Variants in KRT76 observed in about 807,000 individuals in gnomAD.
KRT76 encodes the protein keratin, type II cytoskeletal 2 oral.
In KRT76, 47 loss-of-function variants were observed where a neutral mutation model predicts 44.9. The ratio of observed to expected loss-of-function variants is 1.05; its 90% CI spans 0.83 to 1.33. The LOEUF (loss-of-function observed/expected upper bound fraction) is 1.33. Ranked by LOEUF, KRT76 falls within the 40% of genes most tolerant of loss-of-function variation. KRT76 has a pLI of 0.00. For synonymous variants in KRT76, 331 were observed against 294.1 expected (o/e 1.13, Z -1.28); for missense variants, 860 against 775.8 (o/e 1.11, Z -1.29).
Position 52,777,189 on chromosome 12 carries a change from G to C in KRT76, c.103C>G (p.Arg35Gly), listed in dbSNP as rs145777357. ...GCCCCTCCACCAGCTCCCCCAGAGC[G>C]GGCCACACAGCTCATCCTGCTGCTG... ...SGSSRMSCVA[R>G]SGGAGGGACG... The change falls in exon 1 of 9, where the codon CGC becomes GGC. Residue 35 changes from arginine to glycine, a missense_variant. Physicochemically the swap from Arg to Gly is moderately radical, Grantham distance 125. Coordinates refer to ENST00000332411, the MANE Select transcript of KRT76 (RefSeq NM_015848.4). The C allele has an allele frequency of 1.9e-6, 3 of 1,614,174 alleles. No homozygotes were observed. The highest frequency in any genetic ancestry group is 1.7e-6 in the Non-Finnish European group (2 of 1,180,034).
chr12:52,772,195 G>T lies in KRT76; in HGVS notation c.1036C>A (p.Arg346Ser), dbSNP rs200771210. The part of the protein sequence containing the change: ...TSVVLSMDNN[R>S]CLDLGSIIAE... ...ATGATGCTGCCCAGGTCCAGGCAGC[G>T]GTTGTTGTCCATGGACAGAACCACA... The change falls in exon 5 of 9, where the codon CGC (arginine) becomes AGC (serine). Residue 346 changes from arginine to serine, a missense_variant. Coordinates refer to ENST00000332411, the MANE Select transcript of KRT76 (RefSeq NM_015848.4). 19 of 1,613,448 alleles carry T rather than the reference G, an allele frequency of 1.2e-5. No individual in the cohort carries two copies. The East Asian group carries it at 3.8e-4, about 32-fold the overall frequency.
chr12:52,775,458 G>C lies in KRT76; in HGVS notation c.745C>G (p.Leu249Val). 1.2e-6 allele frequency: 2 copies of C among 1,614,162 alleles called. No homozygotes were observed. The highest frequency in any genetic ancestry group is 2.2e-5 in the East Asian group (1 of 44,870). The change falls in exon 2 of 9, where the codon CTA becomes GTA. Residue 249 changes from leucine to valine, a missense_variant. Coordinates refer to ENST00000332411, the MANE Select transcript of KRT76 (RefSeq NM_015848.4). ...CCCTCCAGGTTCCCCCTCTCCCCTA[G>C]AAGTGAATCTAGCTGCTTGCATAGG... is the stretch of plus-strand genomic sequence containing the variant. ...SFLCKQLDSL[L>V]GERGNLEGEL... is the part of the protein sequence containing the mutation.
At chr12:52,773,471 T>C in intron 3 of KRT76, 111 bp downstream of exon 3, 1 of 679,270 alleles carries the variant, frequency 1.5e-6, no homozygotes, top group Non-Finnish European at 2.6e-6. Context: ...AAAGTGTCAA[T>C]CCCACACACA....
Position 52,768,740 on chromosome 12 carries a change from G to A in KRT76, c.1890C>T (p.Ser630=), listed in dbSNP as rs533223334. The A allele has an allele frequency of 2.5e-6, 4 of 1,603,534 alleles. No homozygotes were observed. Among genetic ancestry groups the A allele is most frequent in the East Asian group, 2.2e-5 (1 of 44,532 alleles). ...ACTTGGTGGAGCTATGCTGGCTTGA[G>A]CTCGTGGTCTGGGAGAAGCGGATAC... The part of the protein sequence containing the change: ...STSIRFSQTT[S]SSQHSSTK Residue 630 remains serine (S), a synonymous_variant, in exon 9 of 9, where the codon AGC becomes AGT. Transcript: ENST00000332411.
intron 4 of KRT76, 125 bp from the exon 5 acceptor site, chr12:52,772,383 T>A: frequency 2.2e-6 from 2 of 911,474 alleles, no homozygotes; most frequent in Non-Finnish European, 3.2e-6. Flanking sequence ...TAAGCTCACA[T>A]TTTAGGCCTG....
intron 7 of KRT76, 54 bp downstream of exon 7, chr12:52,770,945 T>C: frequency 6.2e-7 from 1 of 1,609,608 alleles, no homozygotes; most frequent in South Asian, 1.1e-5. Flanking sequence ...TTCCACATTA[T>C]CAAAGGTCAC....
At chr12:52,769,829 T>C (rs1417340747) in intron 7 of KRT76, among the ~76,000 whole-genome samples, 1 of 152,200 alleles carries the variant, frequency 6.6e-6, no homozygotes, top group African/African-American at 2.4e-5. Flanking sequence ...CTAGGCAAAC[T>C]ACTTGATGCC....
chr12:52,769,185 C>T (rs1282459530), intron 8 of KRT76, 75 bp from the exon 9 acceptor site: 2 of 625,884 alleles, frequency 3.2e-6, no homozygotes, highest in Non-Finnish European at 5.9e-6. Flanking sequence ...TACATCCCCA[C>T]CCTGCTTGGC....
chr12:52,775,146 T>G (rs1418530645), intron 2 of KRT76, among the ~76,000 whole-genome samples: 1 of 152,204 alleles, frequency 6.6e-6, no homozygotes, highest in Non-Finnish European at 1.5e-5. Flanking sequence ...CTGGGAGGAC[T>G]CTTTTGTCCC....
intron 4 of KRT76, 107 bp from the exon 5 acceptor site, chr12:52,772,365 T>A (rs1355289856): frequency 6.1e-6 from 7 of 1,140,624 alleles, no homozygotes; most frequent in Non-Finnish European, 7.3e-6. Flanking sequence ...GTGGATCAGT[T>A]GGAAAAATAA....
intron 2 of KRT76, among the ~76,000 whole-genome samples, chr12:52,774,766 C>T (rs932473205): frequency 4.6e-5 from 7 of 152,294 alleles, no homozygotes; most frequent in African/African-American, 9.6e-5. Flanking sequence ...CAGGTGTGCC[C>T]GTCCCTGTGG....
intron 7 of KRT76, 116 bp from the exon 8 acceptor site, chr12:52,769,699 C>T: frequency 2.4e-6 from 2 of 824,880 alleles, no homozygotes; most frequent in Non-Finnish European, 4.2e-6. Flanking sequence ...GGTCAAGCTC[C>T]TGCAAGAAGA....
intron 7 of KRT76, 69 bp from the exon 8 acceptor site, chr12:52,769,652 A>ACT: frequency 4.2e-6 from 6 of 1,418,076 alleles, no homozygotes; most frequent in Non-Finnish European, 6.0e-6. Context: ...AGAGTTCACA[A>ACT]CTTTGGGAGC....
In KRT76 at chr12:52,772,239, C is replaced by T. The variant is rs773988083; in HGVS notation, c.992G>A (p.Ser331Asn). The T allele has an allele frequency of 7.5e-6, 12 of 1,604,234 alleles. 1 individual carries two copies. The East Asian group carries it at 2.5e-4, about 33-fold the overall frequency. ...LYEMELSQMQ[S>N]HASDTSVVLS... ...AACCACAGACGTGTCACTGGCATGG[C>T]TTTGCATCTGGGACAGCTCCTGCAG... Residue 331 changes from serine (S) to asparagine (N), a missense_variant, in exon 5 of 9, where the codon AGC becomes AAC. Physicochemically the swap from Ser to Asn is conservative, Grantham distance 46. Coordinates refer to ENST00000332411, the MANE Select transcript of KRT76 (RefSeq NM_015848.4).
chr12:52,772,825 G>T lies in KRT76; in HGVS notation c.930C>A (p.Ser310Arg), dbSNP rs529118785. 3 of 1,614,046 alleles carry T rather than the reference G, an allele frequency of 1.9e-6. No homozygotes were observed. The highest frequency in any genetic ancestry group is 2.5e-6 in the Non-Finnish European group (3 of 1,179,934). ...TCAGGAAGCTGACTTCATCTGTCAG[G>T]CTGTCCACTTTGGCCTGCAGCTCCA... ...NKVELQAKVDSLTDEVSFLRT... is the reference protein window; with the variant it reads ...NKVELQAKVDRLTDEVSFLRT... The change falls in exon 4 of 9, where the codon AGC becomes AGA. Residue 310 changes from serine to arginine, a missense_variant. By Grantham distance (110) the Ser-to-Arg change is moderately radical. Transcript: ENST00000332411.
chr12:52,777,193 C>T lies in KRT76; in HGVS notation c.99G>A (p.Val33=). 1 of 1,614,220 alleles carries T rather than the reference C, an allele frequency of 6.2e-7. No homozygotes were observed. The highest frequency in any genetic ancestry group is 8.5e-7 in the Non-Finnish European group (1 of 1,180,034). ...VVSGSSRMSC[V]ARSGGAGGGA... ...CTCCACCAGCTCCCCCAGAGCGGGC[C>T]ACACAGCTCATCCTGCTGCTGCCGG... The change falls in exon 1 of 9, where the codon GTG becomes GTA. Residue 33 remains valine, a synonymous_variant. Coordinates refer to ENST00000332411, the MANE Select transcript of KRT76 (RefSeq NM_015848.4).
At position 52,772,141 on chromosome 12, in the gene KRT76, T is replaced by C; in HGVS notation, c.1090A>G (p.Ile364Val). Reference sequence around the variant, plus strand: ...GCTTCAGACTTGCTCCTCTGGGCAATCTCCTCATACTGGGCGCGGACCTCG... The same window carrying C: ...GCTTCAGACTTGCTCCTCTGGGCAACCTCCTCATACTGGGCGCGGACCTCG... ...IAEVRAQYEE[I>V]AQRSKSEAEA... The change falls in exon 5 of 9, where the codon ATT becomes GTT. Residue 364 changes from isoleucine to valine, a missense_variant. Ile to Val is a conservative substitution (Grantham distance 29, BLOSUM62 3). Transcript: ENST00000332411. 1 of 1,613,438 alleles carries C rather than the reference T, an allele frequency of 6.2e-7. No homozygotes were observed. Among genetic ancestry groups the C allele is most frequent in the Non-Finnish European group, 8.5e-7 (1 of 1,179,650 alleles).
intron 3 of KRT76, 123 bp from the exon 4 acceptor site, chr12:52,773,001 T>C (rs1031323686): frequency 1.5e-6 from 1 of 646,138 alleles, no homozygotes. Context: ...TTGTGACTTC[T>C]CATCTTCCCT....
In KRT76 at chr12:52,777,048, C is replaced by G; in HGVS notation, c.244G>C (p.Gly82Arg). 6.2e-7 allele frequency: 1 copy of G among 1,614,172 alleles called. No homozygotes were observed. Among genetic ancestry groups the G allele is most frequent in the Non-Finnish European group, 8.5e-7 (1 of 1,179,996 alleles). ...AAGSSRAGGF[G>R]GGRSSCGFAG... ...AAGCCACAGCTGCTCCGCCCTCCCC[C>G]AAAGCCTCCAGCCCGGGAGCTGCCA... The change falls in exon 1 of 9, where the codon GGG (glycine) becomes CGG (arginine). Residue 82 changes from glycine (G) to arginine (R), a missense_variant. By Grantham distance (125) the Gly-to-Arg change is moderately radical. Transcript: ENST00000332411.
Sources: gnomAD v4.1 joint callset for allele counts (sites outside exome capture counted in the v4.1 genomes callset) on GRCh38, gnomAD v4.1.1 for gene constraint, MANE v1.5 for transcripts, NCBI Gene and HGNC (gene_info 2026-07-23, HGNC 2026-07-21) for gene names.